Variants in BRIP1 observed in about 807,000 individuals in gnomAD.
BRIP1 encodes Fanconi anemia group J protein.
In BRIP1, 88 loss-of-function variants were observed where a neutral mutation model predicts 119.7. The ratio of observed to expected loss-of-function variants is 0.74; its 90% CI spans 0.62 to 0.88. The LOEUF (loss-of-function observed/expected upper bound fraction) is 0.88, where lower values mean the gene tolerates loss of function less well. Ranked by LOEUF, BRIP1 falls within the 40% of genes least tolerant of loss-of-function variation. The probability of loss-of-function intolerance (pLI) is 0.00; values close to 1 mark genes in which losing one functional copy is unlikely to be tolerated. For missense variants in BRIP1, 1,259 were observed against 1,455.4 expected (o/e 0.87, Z 2.20); for synonymous variants, 443 against 496.5 (o/e 0.89, Z 1.43).
In BRIP1 at chr17:61,801,374, A is replaced by AAG. The variant is rs878855134; in HGVS notation, c.1018_1019insCT (p.Leu340ProfsTer9). ...CTTTAGTTTCTTCCCCAGGCTGACAAGTTCTTCTATATCCCAGGCTTTGCA... is the reference window on the plus strand; with the variant it reads ...CTTTAGTTTCTTCCCCAGGCTGACAAAGGTTCTTCTATATCCCAGGCTTTGCA... On this transcript the variant is annotated frameshift_variant, in exon 8 of 20. Coordinates refer to ENST00000259008, the MANE Select transcript of BRIP1 (RefSeq NM_032043.3). LOFTEE classifies it high-confidence loss of function. 1 of 1,613,972 alleles carries AAG rather than the reference A, an allele frequency of 6.2e-7. No individual in the cohort carries two copies. Among genetic ancestry groups the AAG allele is most frequent in the Non-Finnish European group, 8.5e-7 (1 of 1,179,892 alleles).
At chr17:61,840,529 C>A (rs1254979326) in intron 6 of BRIP1, among the ~76,000 whole-genome samples, 2 of 152,216 alleles carry the variant, frequency 1.3e-5, no homozygotes, top group South Asian at 2.1e-4. Context: ...ATAATCCTGG[C>A]ATTTTGGGAG....
chr17:61,788,073 G>A (rs2077760875), intron 10 of BRIP1, among the ~76,000 whole-genome samples: 1 of 152,070 alleles, frequency 6.6e-6, no homozygotes, highest in South Asian at 2.1e-4. Flanking sequence ...CAGACAATAT[G>A]GTTATCTACA....
chr17:61,771,616 A>G (rs143031266), intron 14 of BRIP1, among the ~76,000 whole-genome samples: 2,207 of 152,290 alleles, frequency 0.014, 19 homozygotes, highest in Non-Finnish European at 0.02. Context: ...GCTGATGGGA[A>G]TCTAAATTAT....
rs1434435350 is a variant in BRIP1, at chr17:61,689,488, GAGAA to G, written c.2576-3327_2576-3324del. ...TCTGGGAGTCCTAGAAAGAGAAAGA[GAGAA>G]AGGAGCAGAAAGCTTATTTATAGAA... is the stretch of plus-strand genomic sequence containing the variant. On this transcript the variant is annotated intron_variant, in intron 18 of 19. Transcript: ENST00000259008. This position sits in a 1 kb window ranked among gnomAD's most constrained non-coding sequence, Gnocchi z 4.5. Among the ~76,000 whole-genome samples the G allele has an allele frequency of 7.9e-5, 12 of 152,128 alleles. No homozygotes were observed. Among genetic ancestry groups the G allele is most frequent in the African/African-American group, 2.9e-4 (12 of 41,430 alleles).
chr17:61,830,952 T>C (rs559303325), intron 6 of BRIP1, among the ~76,000 whole-genome samples: 1 of 152,318 alleles, frequency 6.6e-6, no homozygotes, highest in African/African-American at 2.4e-5. Flanking sequence ...TCCACTAATT[T>C]ACAGTCAGGC....
intron 6 of BRIP1, among the ~76,000 whole-genome samples, chr17:61,811,982 A>G (rs1291535278): frequency 6.6e-6 from 1 of 152,152 alleles, no homozygotes; most frequent in Non-Finnish European, 1.5e-5. Context: ...AAGATTTGGT[A>G]CAATCATATT....
rs539274101 is a variant in BRIP1, at chr17:61,852,019, A to G, written c.380-2763T>C. Among the ~76,000 whole-genome samples the G allele has an allele frequency of 6.6e-6, 1 of 152,332 alleles. No homozygotes were observed. Among genetic ancestry groups the G allele is most frequent in the Non-Finnish European group, 1.5e-5 (1 of 68,044 alleles). ...TCACAAGGGAGAGCTCCTACAACAA[A>G]GAGTTATCCCACTCAAAATGTTAAT... On this transcript the variant is annotated intron_variant, in intron 4 of 19. Coordinates refer to ENST00000259008, the MANE Select transcript of BRIP1 (RefSeq NM_032043.3). This position sits in a 1 kb window ranked among gnomAD's most constrained non-coding sequence, Gnocchi z 4.9.
chr17:61,816,226 A>T lies in BRIP1; in HGVS notation c.628-7469T>A, dbSNP rs1157117790. On this transcript the variant is annotated intron_variant, in intron 6 of 19. Transcript: ENST00000259008. This position sits in a 1 kb window ranked among gnomAD's most constrained non-coding sequence, Gnocchi z 5.0. ...GATGTCAATCAGCAGGTAGGGGATC[A>T]GATACAGTGTCAGGTGAGAGTGTGT... Among the ~76,000 whole-genome samples the T allele has an allele frequency of 6.6e-6, 1 of 152,232 alleles. No individual in the cohort carries two copies. The highest frequency in any genetic ancestry group is 1.5e-5 in the Non-Finnish European group (1 of 68,034).
At position 61,851,725 on chromosome 17, in the gene BRIP1, C is replaced by T. The variant is rs1016763251; in HGVS notation, c.380-2469G>A. Among the ~76,000 whole-genome samples, 2 of 152,164 alleles carry T rather than the reference C, an allele frequency of 1.3e-5. No homozygotes were observed. Among genetic ancestry groups the T allele is most frequent in the African/African-American group, 4.8e-5 (2 of 41,452 alleles). On this transcript the variant is annotated intron_variant, in intron 4 of 19. Coordinates refer to ENST00000259008, the MANE Select transcript of BRIP1 (RefSeq NM_032043.3). The surrounding 1 kb of genome is among the most constrained non-coding windows in gnomAD (Gnocchi z 4.6). The stretch of plus-strand genomic sequence containing the variant: ...TCACCTTGACCTGCTTCTTCAAAAG[C>T]ATCCTGGCTATCCTTAGTCCTTTGC...
At position 61,691,516 on chromosome 17, in the gene BRIP1, C is replaced by T. The variant is rs1353171764; in HGVS notation, c.2575+1914G>A. Among the ~76,000 whole-genome samples the T allele has an allele frequency of 4.6e-5, 7 of 152,100 alleles. No homozygotes were observed. Among genetic ancestry groups the T allele is most frequent in the Non-Finnish European group, 1.0e-4 (7 of 68,012 alleles). On this transcript the variant is annotated intron_variant, in intron 18 of 19. Coordinates refer to ENST00000259008, the MANE Select transcript of BRIP1 (RefSeq NM_032043.3). This position sits in a 1 kb window ranked among gnomAD's most constrained non-coding sequence, Gnocchi z 5.0. ...TGTTGCCCAGGCTAGAGTGCAGTGG[C>T]GCGGTCTTGGCTCACTGCAACCTCC...
Position 61,757,609 on chromosome 17 carries a change from A to G in BRIP1, c.2098-13018T>C, listed in dbSNP as rs1387613640. On this transcript the variant is annotated intron_variant, in intron 14 of 19. Transcript: ENST00000259008. This position sits in a 1 kb window ranked among gnomAD's most constrained non-coding sequence, Gnocchi z 4.3. ...TGATACATTCTGATAAAAATATACA[A>G]TGATATTTACAATGCAAAAAACTTC... Among the ~76,000 whole-genome samples the G allele has an allele frequency of 1.3e-5, 2 of 152,224 alleles. No individual in the cohort carries two copies. Among genetic ancestry groups the G allele is most frequent in the East Asian group, 3.8e-4 (2 of 5,202 alleles).
chr17:61,830,106 G>A (rs2078468426), intron 6 of BRIP1, among the ~76,000 whole-genome samples: 1 of 151,296 alleles, frequency 6.6e-6, no homozygotes, highest in Non-Finnish European at 1.5e-5. Context: ...CTAATTGTTT[G>A]TATTTATAAT....
chr17:61,806,940 G>A lies in BRIP1; in HGVS notation c.918+1527C>T, dbSNP rs1019185967. 2.6e-5 allele frequency among the ~76,000 whole-genome samples: 4 copies of A among 152,018 alleles called. No individual in the cohort carries two copies. Among genetic ancestry groups the A allele is most frequent in the Admixed American group, 6.5e-5 (1 of 15,274 alleles). ...CTCGAACTCCTGACCTCAAGTGCCC[G>A]CCTCTGCCTCCCAAAGTGCTGGGAT... On this transcript the variant is annotated intron_variant, in intron 7 of 19. Coordinates refer to ENST00000259008, the MANE Select transcript of BRIP1 (RefSeq NM_032043.3). This position sits in a 1 kb window ranked among gnomAD's most constrained non-coding sequence, Gnocchi z 4.9.
chr17:61,779,322 G>A (rs1283372528), intron 13 of BRIP1, among the ~76,000 whole-genome samples: 1 of 152,194 alleles, frequency 6.6e-6, no homozygotes, highest in Non-Finnish European at 1.5e-5. Context: ...CATGCCTGTA[G>A]TCCCAGCTAC....
At position 61,684,654 on chromosome 17, in the gene BRIP1, T is replaced by C. The variant is rs2061333837; in HGVS notation, c.2906-514A>G. On this transcript the variant is annotated intron_variant, in intron 19 of 19. Transcript: ENST00000259008. The surrounding 1 kb of genome is among the most constrained non-coding windows in gnomAD (Gnocchi z 4.5). ...CAAGTTAATCGGCTTGAATTCACTA[T>C]TTATAGTGAATTTTGTATTACTATT... 1 of 152,964 alleles carries C rather than the reference T, an allele frequency of 6.5e-6. No individual in the cohort carries two copies. Among genetic ancestry groups the C allele is most frequent in the Admixed American group, 6.5e-5 (1 of 15,380 alleles). The allele number at this position is 152,964 out of a possible 1,614,324, so 9.5% of individuals were successfully genotyped here. A position where few individuals can be genotyped will look rare whatever the true frequency, so the allele number is the denominator to read the frequency against.
intron 10 of BRIP1, among the ~76,000 whole-genome samples, chr17:61,786,782 AT>A (rs1189609067): frequency 3.8e-5 from 5 of 133,152 alleles, no homozygotes; most frequent in African/African-American, 1.4e-4. Context: ...ATATTTATAT[AT>A]AATATAGTAT....
Position 61,842,139 on chromosome 17 carries a change from A to ACATG in BRIP1, c.627+4958_627+4961dup, listed in dbSNP as rs1444031086. On this transcript the variant is annotated intron_variant, in intron 6 of 19. Coordinates refer to ENST00000259008, the MANE Select transcript of BRIP1 (RefSeq NM_032043.3). The surrounding 1 kb of genome is among the most constrained non-coding windows in gnomAD (Gnocchi z 5.1). The stretch of plus-strand genomic sequence containing the variant: ...TATTGAAACCTTGTTATTTGCAGCA[A>ACATG]CATGGGTAAGCCTGGAAGATATTAA... 8.5e-5 allele frequency among the ~76,000 whole-genome samples: 13 copies of ACATG among 152,234 alleles called. No homozygotes were observed. The highest frequency in any genetic ancestry group is 1.5e-5 in the Non-Finnish European group (1 of 68,042).
Position 61,793,801 on chromosome 17 carries a change from T to A in BRIP1, c.1341-72A>T. On this transcript the variant is annotated intron_variant, in intron 9 of 19. Transcript: ENST00000259008. This position sits in a 1 kb window ranked among gnomAD's most constrained non-coding sequence, Gnocchi z 5.2. ...ACACTATTTCAGCAGAACAAGAGAA[T>A]CATCATTATTGTCATGCGTTGATCT... is the stretch of plus-strand genomic sequence containing the variant. 6.8e-7 allele frequency: 1 copy of A among 1,479,252 alleles called. No individual in the cohort carries two copies. The highest frequency in any genetic ancestry group is 9.2e-7 in the Non-Finnish European group (1 of 1,084,590). The allele number at this position is 1,479,252 out of a possible 1,614,324, so 91.6% of individuals were successfully genotyped here. A position where few individuals can be genotyped will look rare whatever the true frequency, so the allele number is the denominator to read the frequency against.
chr17:61,721,393 C>T (rs1468642989), intron 16 of BRIP1, among the ~76,000 whole-genome samples: 1 of 151,642 alleles, frequency 6.6e-6, no homozygotes, highest in Admixed American at 6.6e-5. Context: ...CCTCAGCCTC[C>T]CGAGTAGCTG....
Sources: allele counts gnomAD v4.1 joint callset (sites outside exome capture counted in the v4.1 genomes callset), GRCh38; gene constraint gnomAD v4.1.1; non-coding constraint Gnocchi (gnomAD v3.1); transcripts MANE v1.5; gene names NCBI Gene and HGNC (gene_info 2026-07-23, HGNC 2026-07-21).